SBK3: variants seen among roughly 807,000 people sequenced by gnomAD.
SBK3 encodes SH3 domain binding kinase family member 3.
A neutral mutation model predicts 12.7 loss-of-function variants in SBK3; 16 were observed. The observed-to-expected ratio is 1.26, with a 90% CI of 0.86 to 1.92. The LOEUF is 1.92. Among genes scored for constraint, SBK3 ranks in the 40% most tolerant of loss-of-function variants. SBK3 has a pLI of 0.00. For synonymous variants in SBK3, 217 were observed against 213.6 expected (o/e 1.02, Z -0.14); for missense variants, 462 against 481.8 (o/e 0.96, Z 0.38).
intron 3 of SBK3, among the ~76,000 whole-genome samples, chr19:55,543,676 C>T (rs1212009023): frequency 6.6e-6 from 1 of 152,014 alleles, no homozygotes; most frequent in African/African-American, 2.4e-5. Context: ...ATATACACAT[C>T]CTCAACCGTC....
rs1451944470 is a variant in SBK3 at position 55,544,169 on chromosome 19, G to A, written c.330C>T (p.Thr110=). 1 of 1,535,742 alleles carries A rather than the reference G, an allele frequency of 6.5e-7. No homozygotes were observed. Among genetic ancestry groups the A allele is most frequent in the East Asian group, 2.4e-5 (1 of 40,900 alleles). ...LLQTLAGPLQ[T]PRYFAFAQEY... ...CCTGGGCGAAGGCAAAATAGCGGGG[G>A]GTCTGTAGGGGTCCTGCCAGGGTCT... The change falls in exon 3 of 4, where the codon ACC becomes ACT. Residue 110 remains threonine (T), a synonymous_variant. Transcript: ENST00000612221.
At chr19:55,543,731 G>C (rs970204635) in intron 3 of SBK3, among the ~76,000 whole-genome samples, 4 of 151,746 alleles carry the variant, frequency 2.6e-5, no homozygotes, top group African/African-American at 9.7e-5. Context: ...CCATACTCAC[G>C]ATGAATCTAT....
chr19:55,544,642 T>C (rs1055486924), intron 2 of SBK3, among the ~76,000 whole-genome samples, 157 bp downstream of exon 2: 3 of 152,018 alleles, frequency 2.0e-5, no homozygotes, highest in Non-Finnish European at 4.4e-5. Flanking sequence ...GTGGGGCCTG[T>C]GTTTCTCAGA....
At chr19:55,542,529 A>G (rs1988576018) in intron 3 of SBK3, among the ~76,000 whole-genome samples, 2 of 144,046 alleles carry the variant, frequency 1.4e-5, no homozygotes, top group Admixed American at 1.4e-4. Flanking sequence ...CCATCCACCC[A>G]TCCGCCCACC....
In SBK3 at chr19:55,544,888, A is replaced by G. The variant is rs1274523501; in HGVS notation, c.107T>C (p.Val36Ala). The G allele has an allele frequency of 3.3e-6, 5 of 1,533,952 alleles. No individual in the cohort carries two copies. In the African/African-American group the frequency reaches 6.9e-5, roughly 21 times the overall value. Residue 36 changes from valine (V) to alanine (A), a missense_variant, in exon 2 of 4, where the codon GTG becomes GCG. Physicochemically the swap from Val to Ala is moderately conservative, Grantham distance 64. Coordinates refer to ENST00000612221, the MANE Select transcript of SBK3 (RefSeq NM_001199824.2). ...VELTTSRVTP[V>A]RSLRDQYHLI... is the part of the protein sequence containing the mutation. ...GTGGTACTGGTCCCGAAGGCTCCTC[A>G]CCGGGGTCACCCTGCTGGTCGTCAG...
rs942839786 is a variant in SBK3, at chr19:55,544,877, G to A, written c.118C>T (p.Arg40Trp). Residue 40 changes from arginine (R) to tryptophan (W), a missense_variant, in exon 2 of 4, where the codon CGG becomes TGG. Coordinates refer to ENST00000612221, the MANE Select transcript of SBK3 (RefSeq NM_001199824.2). ...TTCCGGATGAGGTGGTACTGGTCCC[G>A]AAGGCTCCTCACCGGGGTCACCCTG... ...TSRVTPVRSLRDQYHLIRKLG... is the reference protein window; with the variant it reads ...TSRVTPVRSLWDQYHLIRKLG... The A allele has an allele frequency of 3.5e-5, 53 of 1,534,322 alleles. No homozygotes were observed. Among genetic ancestry groups the A allele is most frequent in the East Asian group, 1.2e-4 (5 of 40,804 alleles).
In SBK3 at chr19:55,540,701, C is replaced by G. The variant is rs151028871; in HGVS notation, c.*145G>C. The G allele has an allele frequency of 2.7e-6, 2 of 743,610 alleles. No individual in the cohort carries two copies. Among genetic ancestry groups the G allele is most frequent in the Admixed American group, 2.1e-5 (1 of 48,128 alleles). The allele number at this position is 743,610 out of a possible 1,614,324, so 46.1% of individuals were successfully genotyped here. ...GGTCCTCAGTTGGAAGAGGAATGCG[C>G]GTCCAAGCCCAGCGTTCCGTAGGGA... On this transcript the variant is annotated 3_prime_UTR_variant, in exon 4 of 4. Transcript: ENST00000612221.
chr19:55,541,047 A>G lies in SBK3; in HGVS notation c.879T>C (p.Thr293=). The G allele has an allele frequency of 6.5e-7, 1 of 1,535,848 alleles. No individual in the cohort carries two copies. The highest frequency in any genetic ancestry group is 8.7e-7 in the Non-Finnish European group (1 of 1,146,808). ...LQGLLDLDPE[T]RSPPLAVLDF... ...CCAGGACAGCCAGTGGGGGGCTCCT[A>G]GTCTCGGGATCCAGGTCCAGAAGCC... Residue 293 remains threonine (T), a synonymous_variant, in exon 4 of 4, where the codon ACT becomes ACC. Transcript: ENST00000612221. The surrounding 1 kb of genome is among the most constrained non-coding windows in gnomAD (Gnocchi z 5.3).
chr19:55,541,164 G>C lies in SBK3; in HGVS notation c.762C>G (p.Ala254=). 6.5e-7 allele frequency: 1 copy of C among 1,535,960 alleles called. No individual in the cohort carries two copies. The highest frequency in any genetic ancestry group is 1.4e-5 in the African/African-American group (1 of 73,174). ...GCTTGGTGGTCACCCAGCCAGCGAAGGCCTCGAACTCAGGGTTGGGGGCCA... is the reference window on the plus strand; with the variant it reads ...GCTTGGTGGTCACCCAGCCAGCGAACGCCTCGAACTCAGGGTTGGGGGCCA... ...VALAPNPEFE[A]FAGWVTTKPQ... Residue 254 remains alanine (A), a synonymous_variant, in exon 4 of 4, where the codon GCC becomes GCG. Coordinates refer to ENST00000612221, the MANE Select transcript of SBK3 (RefSeq NM_001199824.2). This position sits in a 1 kb window ranked among gnomAD's most constrained non-coding sequence, Gnocchi z 5.3.
chr19:55,542,335 ACCATCCATTAATCAT>A (rs1568496160), intron 3 of SBK3, among the ~76,000 whole-genome samples: 1 of 151,970 alleles, frequency 6.6e-6, no homozygotes, highest in African/African-American at 2.4e-5. Context: ...CCATCCACTC[ACCATCCATTAATCAT>A]CCATCCACCA....
At position 55,545,298 on chromosome 19, in the gene SBK3, T is replaced by C. The variant is rs887180975; in HGVS notation, c.45+201A>G. On this transcript the variant is annotated intron_variant, in intron 1 of 3. Coordinates refer to ENST00000612221, the MANE Select transcript of SBK3 (RefSeq NM_001199824.2). This position sits in a 1 kb window ranked among gnomAD's most constrained non-coding sequence, Gnocchi z 4.4. ...CTTCCCCTGTGCATCCCGCTGTGTG[T>C]TTCTGAGTCCAATTCTCTGGGGGCC... The C allele has an allele frequency of 1.8e-5, 11 of 596,790 alleles. No homozygotes were observed. The African/African-American group carries it at 1.9e-4, about 10-fold the overall frequency. 37.0% of individuals were successfully genotyped at this position (596,790 alleles called of 1,614,324 possible).
In SBK3 at chr19:55,544,117, C is replaced by A; in HGVS notation, c.382G>T (p.Gly128Trp). The A allele has an allele frequency of 6.6e-7, 1 of 1,509,358 alleles. No individual in the cohort carries two copies. Among genetic ancestry groups the A allele is most frequent in the Non-Finnish European group, 8.8e-7 (1 of 1,133,438 alleles). 93.5% of individuals were successfully genotyped at this position (1,509,358 alleles called of 1,614,324 possible). The change falls in exon 3 of 4, where the codon GGG becomes TGG. Residue 128 changes from glycine (G) to tryptophan (W), a missense_variant. Physicochemically the swap from Gly to Trp is radical, Grantham distance 184. Coordinates refer to ENST00000612221, the MANE Select transcript of SBK3 (RefSeq NM_001199824.2). ...GGCCTCACCCTTTCCTGCAGCATCC[C>A]GCTGAGGTCCCCACAGGGCGCGTAC... Reference protein sequence around the residue: ...QEYAPCGDLSGMLQERGLPEL... With the variant: ...QEYAPCGDLSWMLQERGLPEL...
At position 55,540,830 on chromosome 19, in the gene SBK3, T is replaced by C. The variant is rs766155621; in HGVS notation, c.*16A>G. 1 of 1,535,008 alleles carries C rather than the reference T, an allele frequency of 6.5e-7. No individual in the cohort carries two copies. The highest frequency in any genetic ancestry group is 1.2e-5 in the South Asian group (1 of 84,050). ...GCCTCTGGCCCAGGCTCTGGCCACC[T>C]GTCTCTGTCACCTGGTCAGGGAGCT... On this transcript the variant is annotated 3_prime_UTR_variant, in exon 4 of 4. Coordinates refer to ENST00000612221, the MANE Select transcript of SBK3 (RefSeq NM_001199824.2).
At position 55,541,825 on chromosome 19, in the gene SBK3, C is replaced by A. The variant is rs778564028; in HGVS notation, c.400-299G>T. Among the ~76,000 whole-genome samples the A allele has an allele frequency of 6.6e-6, 1 of 152,172 alleles. No individual in the cohort carries two copies. Among genetic ancestry groups the A allele is most frequent in the Non-Finnish European group, 1.5e-5 (1 of 68,016 alleles). ...CTCCCAAAGACTTTCTCTCCATCAT[C>A]CTCAACCTCAACCTGCAGCCATATC... On this transcript the variant is annotated intron_variant, in intron 3 of 3. Transcript: ENST00000612221. This position sits in a 1 kb window ranked among gnomAD's most constrained non-coding sequence, Gnocchi z 5.3.
intron 3 of SBK3, among the ~76,000 whole-genome samples, chr19:55,543,069 C>T (rs1233083418): frequency 7.5e-5 from 10 of 132,612 alleles, no homozygotes; most frequent in South Asian, 2.7e-4. Flanking sequence ...ATCCATCCAT[C>T]CACTCACCCA....
Position 55,541,288 on chromosome 19 carries a change from G to A in SBK3, c.638C>T (p.Pro213Leu), listed in dbSNP as rs1369248375. 4.9e-5 allele frequency: 76 copies of A among 1,535,622 alleles called. No individual in the cohort carries two copies. The highest frequency in any genetic ancestry group is 1.7e-4 in the East Asian group (7 of 40,928). Residue 213 changes from proline (P) to leucine (L), a missense_variant, in exon 4 of 4, where the codon CCG (proline) becomes CTG (leucine). Physicochemically the swap from Pro to Leu is moderately conservative, Grantham distance 98 (BLOSUM62 -3). Transcript: ENST00000612221. The surrounding 1 kb of genome is among the most constrained non-coding windows in gnomAD (Gnocchi z 5.3). Reference protein sequence around the residue: ...TAPPELCLLLPPDTLPLRPAV... With the variant: ...TAPPELCLLLLPDTLPLRPAV... ...TGGCCGCAGAGGCAGGGTGTCGGGC[G>A]GTAGCAGGAGACAGAGCTCAGGCGG...
chr19:55,542,813 G>GATCCATCC (rs775579408), intron 3 of SBK3, among the ~76,000 whole-genome samples: 7 of 63,722 alleles, frequency 1.1e-4, no homozygotes, highest in Admixed American at 6.8e-4. Flanking sequence ...TCCTTCTATC[G>GATCCATCC]ATCCATCCAT....
rs553191574 is a variant in SBK3 at position 55,541,311 on chromosome 19, C to A, written c.615G>T (p.Pro205=). ...GCGGTAGCAGGAGACAGAGCTCAGG[C>A]GGTGCCGTGGGCAGAGGCACTGGTG... ...PAPPVPLPTA[P]PELCLLLPPD... is the part of the protein sequence containing the mutation. The change falls in exon 4 of 4, where the codon CCG becomes CCT. Residue 205 remains proline, a synonymous_variant. Transcript: ENST00000612221. This position sits in a 1 kb window ranked among gnomAD's most constrained non-coding sequence, Gnocchi z 5.3. 20 of 1,535,356 alleles carry A rather than the reference C, an allele frequency of 1.3e-5. No homozygotes were observed. In the African/African-American group the frequency reaches 2.7e-4, roughly 21 times the overall value.
At position 55,544,210 on chromosome 19, in the gene SBK3, G is replaced by A; in HGVS notation, c.289C>T (p.His97Tyr). ...EFCVGRCVSA[H>Y]PGLLQTLAGP... is the part of the protein sequence containing the mutation. Reference sequence around the variant, plus strand: ...GCCAGGGTCTGCAGCAGGCCTGGGTGTGCAGAGACGCAGCGGCCCACACAG... The same window carrying A: ...GCCAGGGTCTGCAGCAGGCCTGGGTATGCAGAGACGCAGCGGCCCACACAG... The change falls in exon 3 of 4, where the codon CAC becomes TAC. Residue 97 changes from histidine (H) to tyrosine (Y), a missense_variant. Physicochemically the swap from His to Tyr is moderately conservative, Grantham distance 83 (BLOSUM62 2). Transcript: ENST00000612221. 3 of 1,536,026 alleles carry A rather than the reference G, an allele frequency of 2.0e-6. No homozygotes were observed. Among genetic ancestry groups the A allele is most frequent in the Non-Finnish European group, 2.6e-6 (3 of 1,146,866 alleles).
Sources: gnomAD v4.1 joint callset for allele counts (sites outside exome capture counted in the v4.1 genomes callset) on GRCh38, gnomAD v4.1.1 for gene constraint, Gnocchi (gnomAD v3.1) non-coding constraint, MANE v1.5 for transcripts, NCBI Gene and HGNC (gene_info 2026-07-23, HGNC 2026-07-21) for gene names.